Variants in BBS9 observed in about 807,000 individuals in gnomAD.
BBS9 encodes protein PTHB1.
In BBS9, 89 loss-of-function variants were observed where a neutral mutation model predicts 117.7. The observed-to-expected ratio is 0.76, with a 90% confidence interval of 0.64 to 0.90. The LOEUF is 0.90. BBS9 is among the 40% of genes least tolerant of loss of function. The pLI is 0.00. For synonymous variants in BBS9, 379 were observed against 370.9 expected (o/e 1.02, Z -0.25); for missense variants, 982 against 1,042.2 (o/e 0.94, Z 0.80).
At chr7:33,635,472 A>G (rs996579490) in exon 22 of BBS9, among the ~76,000 whole-genome samples, 2 of 152,226 alleles carry the variant, frequency 1.3e-5, no homozygotes, top group African/African-American at 4.8e-5. Context: ...CAGCCCCCCA[A>G]GGCCCTGGAA....
Position 33,146,351 on chromosome 7 carries a change from T to A in BBS9, c.99T>A (p.Ser33Arg), listed in dbSNP as rs1449724531. The change falls in exon 2 of 23, where the codon AGT becomes AGA. Residue 33 changes from serine to arginine, a missense_variant. Transcript: ENST00000242067. ...GCLCLANVDNSGNGQDKIIVG... is the reference protein window; with the variant it reads ...GCLCLANVDNRGNGQDKIIVG... ...TGTGTCTGGCTAATGTTGACAATAG[T>A]GGAAATGGACAAGGTAAGCAACTTA... The A allele has an allele frequency of 6.2e-7, 1 of 1,613,156 alleles. No homozygotes were observed. Among genetic ancestry groups the A allele is most frequent in the Non-Finnish European group, 8.5e-7 (1 of 1,179,230 alleles).
At chr7:33,294,409 C>T (rs551521042) in intron 9 of BBS9, among the ~76,000 whole-genome samples, 1 of 151,878 alleles carries the variant, frequency 6.6e-6, no homozygotes, top group African/African-American at 2.4e-5. Flanking sequence ...ATCCACCCAT[C>T]CATCCGAGTA....
intron 19 of BBS9, among the ~76,000 whole-genome samples, chr7:33,464,017 T>C (rs925650461): frequency 2.0e-5 from 3 of 152,118 alleles, no homozygotes; most frequent in Non-Finnish European, 4.4e-5. Flanking sequence ...CAGTGTATTT[T>C]GTGCTTTTAA....
chr7:33,535,747 A>G (rs1851263117), intron 21 of BBS9, among the ~76,000 whole-genome samples: 1 of 151,888 alleles, frequency 6.6e-6, no homozygotes, highest in African/African-American at 2.4e-5. Flanking sequence ...GCTTGCCCAC[A>G]GGAAAAACAA....
At chr7:33,621,092 A>G (rs1426278715) in intron 21 of BBS9, among the ~76,000 whole-genome samples, 1 of 152,192 alleles carries the variant, frequency 6.6e-6, no homozygotes, top group Non-Finnish European at 1.5e-5. Flanking sequence ...CTTAAAAGTA[A>G]GATGTGAAAC....
intron 5 of BBS9, among the ~76,000 whole-genome samples, chr7:33,225,699 C>CTTTTTTTT (rs72137184): frequency 3.0e-5 from 4 of 131,294 alleles, no homozygotes; most frequent in African/African-American, 5.7e-5. Context: ...GAGCTTGGTT[C>CTTTTTTTT]TTTTTTTTTT....
At chr7:33,288,609 C>T (rs1028803465) in intron 9 of BBS9, among the ~76,000 whole-genome samples, 8 of 151,992 alleles carry the variant, frequency 5.3e-5, no homozygotes, top group Non-Finnish European at 1.0e-4. Flanking sequence ...AAAAAATTAC[C>T]TTTTATGTTC....
intron 19 of BBS9, among the ~76,000 whole-genome samples, chr7:33,433,350 A>G (rs1198251883): frequency 2.6e-5 from 4 of 152,160 alleles, no homozygotes; most frequent in Non-Finnish European, 5.9e-5. Context: ...GTAGAGGACA[A>G]TTTGGCAATG....
intron 4 of BBS9, among the ~76,000 whole-genome samples, chr7:33,156,708 C>G (rs2128117278): frequency 6.6e-6 from 1 of 152,274 alleles, no homozygotes; most frequent in East Asian, 1.9e-4. Context: ...AGTGCTGAGG[C>G]AATTGACAGT....
chr7:33,386,081 G>A (rs769857992), intron 18 of BBS9, among the ~76,000 whole-genome samples: 6 of 151,872 alleles, frequency 4.0e-5, no homozygotes, highest in Non-Finnish European at 5.9e-5. Context: ...GTATACATAT[G>A]TAACAAACCT....
At chr7:33,470,102 T>C (rs2058340) in intron 19 of BBS9, among the ~76,000 whole-genome samples, 118,010 of 151,780 alleles carry the variant, frequency 0.78, 46,700 homozygotes, top group African/African-American at 0.93. Context: ...ATCTTTGGAA[T>C]TGAGGACTTA....
At chr7:33,378,598 G>T (rs1824344324) in intron 17 of BBS9, among the ~76,000 whole-genome samples, 1 of 152,166 alleles carries the variant, frequency 6.6e-6, no homozygotes, top group South Asian at 2.1e-4. Flanking sequence ...GAAAAGCTTA[G>T]ACTTATTCAC....
At chr7:33,160,746 C>G (rs1026526579) in intron 4 of BBS9, among the ~76,000 whole-genome samples, 3 of 152,118 alleles carry the variant, frequency 2.0e-5, no homozygotes, top group African/African-American at 7.2e-5. Context: ...CAAAGTGTTG[C>G]TGCAATGTAG....
At chr7:33,409,018 T>A (rs1584713536) in intron 19 of BBS9, among the ~76,000 whole-genome samples, 1 of 152,246 alleles carries the variant, frequency 6.6e-6, no homozygotes, top group African/African-American at 2.4e-5. Context: ...TTTTGAGAAC[T>A]GTCTGTTCAT....
At chr7:33,264,100 A>G (rs1798400704) in intron 6 of BBS9, among the ~76,000 whole-genome samples, 190 bp from the exon 7 acceptor site, 1 of 152,084 alleles carries the variant, frequency 6.6e-6, no homozygotes, top group African/African-American at 2.4e-5. Flanking sequence ...TTTCTTTATC[A>G]TGACATTTTA....
intron 21 of BBS9, among the ~76,000 whole-genome samples, chr7:33,617,963 C>T (rs1865224346): frequency 6.6e-6 from 1 of 152,188 alleles, no homozygotes; most frequent in South Asian, 2.1e-4. Flanking sequence ...TAAGGATGTT[C>T]CCAGGCAAAC....
intron 5 of BBS9, among the ~76,000 whole-genome samples, chr7:33,231,075 C>A (rs1219660593): frequency 6.6e-6 from 1 of 152,120 alleles, no homozygotes; most frequent in East Asian, 1.9e-4. Flanking sequence ...CACATCTGTG[C>A]CGATATCTAT....
chr7:33,254,577 G>A (rs1010499239), intron 5 of BBS9, among the ~76,000 whole-genome samples: 7 of 152,094 alleles, frequency 4.6e-5, no homozygotes, highest in Non-Finnish European at 1.0e-4. Flanking sequence ...ATTATTCACT[G>A]TAATCACTGT....
At chr7:33,541,169 A>G (rs541782108) in intron 21 of BBS9, among the ~76,000 whole-genome samples, 2 of 151,970 alleles carry the variant, frequency 1.3e-5, no homozygotes, top group East Asian at 2.0e-4. Context: ...GTCTCCACCA[A>G]TACTCCTTCA....
Sources: gnomAD v4.1 joint callset for allele counts (sites outside exome capture counted in the v4.1 genomes callset) on GRCh38, gnomAD v4.1.1 for gene constraint, MANE v1.5 for transcripts, NCBI Gene and HGNC (gene_info 2026-07-23, HGNC 2026-07-21) for gene names.